The following CUL4A variants were observed in gnomAD, a reference collection of about 807,000 sequenced individuals.
The protein encoded by CUL4A is cullin 4A.
CUL4A carries 16 observed loss-of-function variants against 95.5 expected under a neutral mutation model. That is an observed-to-expected ratio of 0.17 (90% CI 0.11 to 0.25). The LOEUF is 0.25. Ranked by LOEUF, CUL4A falls within the 10% of genes least tolerant of loss-of-function variation. The pLI, the probability that CUL4A is intolerant of heterozygous loss-of-function variation, is 1.00. For missense variants in CUL4A, 610 were observed against 937.0 expected (o/e 0.65, Z 4.56); for synonymous variants, 380 against 353.1 (o/e 1.08, Z -0.85).
At chr13:113,212,220 C>T (rs7990500) in intron 2 of CUL4A, among the ~76,000 whole-genome samples, 2,409 of 152,248 alleles carry the variant, frequency 0.016, 58 homozygotes, top group African/African-American at 0.054. Flanking sequence ...ATCAGATATT[C>T]GCCTTGCAAA....
In CUL4A at chr13:113,209,735, C is replaced by G; in HGVS notation, c.108C>G (p.Gly36=). The G allele has an allele frequency of 8.6e-7, 1 of 1,165,944 alleles. No individual in the cohort carries two copies. Among genetic ancestry groups the G allele is most frequent in the East Asian group, 3.8e-5 (1 of 26,124 alleles). The allele number at this position is 1,165,944 out of a possible 1,614,324, so 72.2% of individuals were successfully genotyped here. A position where few individuals can be genotyped will look rare whatever the true frequency, so the allele number is the denominator to read the frequency against. The part of the protein sequence containing the change: ...ALAAAPAKPG[G]AGGSKKLVIK... ...CCGCCGCGCCCGCCAAGCCGGGGGG[C>G]GCGGGCGGCTCCAAGAAGCTGGTCA... is the stretch of plus-strand genomic sequence containing the variant. Residue 36 remains glycine, a synonymous_variant, in exon 1 of 20, where the codon GGC becomes GGG. Transcript: ENST00000375440.
chr13:113,216,279 C>G (rs1595351333), intron 2 of CUL4A, among the ~76,000 whole-genome samples: 1 of 152,206 alleles, frequency 6.6e-6, no homozygotes, highest in Non-Finnish European at 1.5e-5. Flanking sequence ...CAGGGATTGC[C>G]CTTATCCGCA....
chr13:113,222,994 C>G (rs571511020), intron 3 of CUL4A, among the ~76,000 whole-genome samples: 5 of 151,990 alleles, frequency 3.3e-5, no homozygotes, highest in Admixed American at 6.6e-5. Context: ...TTGTGGGAAT[C>G]GAGGGGCGAG....
At chr13:113,223,974 C>T (rs1310035134) in intron 3 of CUL4A, among the ~76,000 whole-genome samples, 6 of 152,202 alleles carry the variant, frequency 3.9e-5, no homozygotes, top group Non-Finnish European at 5.9e-5. Context: ...TGCTCAGCCA[C>T]AGGCAGCTGC....
chr13:113,235,207 T>C, intron 8 of CUL4A, 62 bp downstream of exon 8: 1 of 1,173,416 alleles, frequency 8.5e-7, no homozygotes, highest in Non-Finnish European at 1.3e-6. Flanking sequence ...TTCTCCTGGC[T>C]GGTTATTGAA....
At chr13:113,235,209 G>A in intron 8 of CUL4A, 64 bp downstream of exon 8, 2 of 1,142,894 alleles carry the variant, frequency 1.7e-6, no homozygotes, top group Non-Finnish European at 1.3e-6. Flanking sequence ...CTCCTGGCTG[G>A]TTATTGAAAT....
chr13:113,224,016 C>T (rs949162432), intron 3 of CUL4A, among the ~76,000 whole-genome samples: 1 of 152,182 alleles, frequency 6.6e-6, no homozygotes, highest in East Asian at 1.9e-4. Context: ...TGCAGGACCA[C>T]GTGCCACCCA....
intron 18 of CUL4A, among the ~76,000 whole-genome samples, chr13:113,256,922 T>C (rs1473279660): frequency 7.1e-6 from 1 of 140,244 alleles, no homozygotes; most frequent in African/African-American, 2.7e-5. Flanking sequence ...CCTTTTTTTT[T>C]TTCGTTTTTT....
chr13:113,230,020 A>G (rs889820215), intron 5 of CUL4A: 20 of 238,792 alleles, frequency 8.4e-5, no homozygotes, highest in Non-Finnish European at 1.4e-4. Flanking sequence ...GTTCGCGGCC[A>G]CGGACCCCAC....
At position 113,265,431 on chromosome 13, in the gene CUL4A, A is replaced by C. The variant is rs1349287266; in HGVS notation, c.*1849A>C. On this transcript the variant is annotated 3_prime_UTR_variant, in exon 20 of 20. Transcript: ENST00000375440. ...GAGGTGGAGTCTTGCTCTGTTGCCC[A>C]AGCTGGAGTGCAGTGGTGCAATCTC... The C allele has an allele frequency of 6.6e-6, 1 of 152,360 alleles. No homozygotes were observed. Among genetic ancestry groups the C allele is most frequent in the African/African-American group, 2.4e-5 (1 of 41,466 alleles). 9.4% of individuals were successfully genotyped at this position (152,360 alleles called of 1,614,324 possible).
chr13:113,209,887 C>T lies in CUL4A; in HGVS notation c.149-86C>T, dbSNP rs1490902995. Reference sequence around the variant, plus strand: ...TCCGTGCGGGCCCCGGGAGCGGGGGCGCCGGGGCGCCGGCCGGGTCGGGGG... The same window carrying T: ...TCCGTGCGGGCCCCGGGAGCGGGGGTGCCGGGGCGCCGGCCGGGTCGGGGG... On this transcript the variant is annotated intron_variant, in intron 1 of 19. Coordinates refer to ENST00000375440, the MANE Select transcript of CUL4A (RefSeq NM_001008895.4). 1.8e-5 allele frequency: 21 copies of T among 1,168,810 alleles called. No homozygotes were observed. In the East Asian group the frequency reaches 5.5e-4, roughly 31 times the overall value. 72.4% of individuals were successfully genotyped at this position (1,168,810 alleles called of 1,614,324 possible).
At chr13:113,261,237 T>G (rs2042266672) in intron 19 of CUL4A, among the ~76,000 whole-genome samples, 1 of 152,206 alleles carries the variant, frequency 6.6e-6, no homozygotes, top group South Asian at 2.1e-4. Flanking sequence ...TTTACTGTCC[T>G]GCCACGTGTG....
chr13:113,209,244 C>T (rs2139042511), upstream of CUL4A, among the ~76,000 whole-genome samples: 1 of 148,046 alleles, frequency 6.8e-6, no homozygotes, highest in African/African-American at 2.5e-5. Flanking sequence ...GCTCCCGATC[C>T]CCTCAGGAGG....
chr13:113,242,868 A>G (rs1279373669), intron 10 of CUL4A, 100 bp from the exon 11 acceptor site: 1 of 875,134 alleles, frequency 1.1e-6, no homozygotes, highest in African/African-American at 1.7e-5. Context: ...TACTACTAAG[A>G]GTAATTTATG....
At chr13:113,220,089 C>A (rs2040842550) in intron 3 of CUL4A, among the ~76,000 whole-genome samples, 1 of 152,182 alleles carries the variant, frequency 6.6e-6, no homozygotes, top group Non-Finnish European at 1.5e-5. Flanking sequence ...TCTAAGTGTT[C>A]TTCTAGTTCA....
At chr13:113,232,955 C>T (rs1314243393) in intron 5 of CUL4A, among the ~76,000 whole-genome samples, 1 of 152,134 alleles carries the variant, frequency 6.6e-6, no homozygotes, top group South Asian at 2.1e-4. Context: ...GACCTAGCAG[C>T]GTCTCCAGGA....
intron 15 of CUL4A, among the ~76,000 whole-genome samples, chr13:113,248,862 A>T: frequency 6.6e-6 from 1 of 152,160 alleles, no homozygotes; most frequent in Non-Finnish European, 1.5e-5. Flanking sequence ...GATCACTGAC[A>T]AAAAAACTTA....
intron 3 of CUL4A, among the ~76,000 whole-genome samples, chr13:113,226,241 CCACCT>C (rs2041100934): frequency 6.6e-6 from 1 of 152,242 alleles, no homozygotes; most frequent in Non-Finnish European, 1.5e-5. Context: ...GATGTTGTCA[CCACCT>C]CACATTGGCT....
At chr13:113,253,330 G>A (rs9549366) in intron 16 of CUL4A, 135 bp downstream of exon 16, 103,363 of 421,012 alleles carry the variant, frequency 0.25, 15,017 homozygotes, top group East Asian at 0.49. Flanking sequence ...AATAAAATTT[G>A]TAACAGTTAA....
Sources: allele counts gnomAD v4.1 joint callset (sites outside exome capture counted in the v4.1 genomes callset), GRCh38; gene constraint gnomAD v4.1.1; transcripts MANE v1.5; gene names NCBI Gene and HGNC (gene_info 2026-07-23, HGNC 2026-07-21).